The following TAFA5 variants were observed in gnomAD, a reference collection of about 807,000 sequenced individuals.
TAFA5 encodes chemokine-like protein TAFA-5.
Under a neutral mutation model 15.3 loss-of-function variants are expected in TAFA5, and 6 were observed. The observed-to-expected ratio is 0.39, with a 90% CI of 0.21 to 0.77. The LOEUF (loss-of-function observed/expected upper bound fraction) is 0.77, where lower values mean the gene tolerates loss of function less well. TAFA5 is among the 30% of genes least tolerant of loss of function. The pLI is 0.41. For missense variants in TAFA5, 161 were observed against 193.1 expected, an observed-to-expected ratio of 0.83 and a Z score of 0.98; for synonymous variants, 103 against 80.7, an observed-to-expected ratio of 1.28 and a Z score of -1.48.
chr22:48,601,870 C>T (rs139307563), intron 1 of TAFA5, among the ~76,000 whole-genome samples: 80 of 152,330 alleles, frequency 5.3e-4, no homozygotes, highest in South Asian at 3.1e-3. Context: ...GAGCAGTGTG[C>T]GGCGAGTGGC....
intron 3 of TAFA5, among the ~76,000 whole-genome samples, chr22:48,737,039 G>A (rs959442379): frequency 5.9e-5 from 9 of 152,176 alleles, no homozygotes; most frequent in South Asian, 2.1e-4. Context: ...GCCCTGACCC[G>A]TCTCTCCCCT....
Position 48,557,133 on chromosome 22 carries a change from A to AT in TAFA5, c.112+67431dup, listed in dbSNP as rs576186648. 1.4e-3 allele frequency among the ~76,000 whole-genome samples: 215 copies of AT among 152,290 alleles called. 2 individuals carry two copies. Among genetic ancestry groups the AT allele is most frequent in the African/African-American group, 4.9e-3 (204 of 41,562 alleles). ...GCATCAGAACTGTGCTAGCGTCTGA[A>AT]TTGTGTCTCCCCAAAATCCGTATGT... On this transcript the variant is annotated intron_variant, in intron 1 of 3. Transcript: ENST00000402357.
chr22:48,733,955 G>C (rs1011867811), intron 3 of TAFA5, among the ~76,000 whole-genome samples: 2 of 152,180 alleles, frequency 1.3e-5, no homozygotes, highest in Non-Finnish European at 2.9e-5. Context: ...GCTGGAATGG[G>C]CAGCCGCCTG....
At chr22:48,697,836 T>C (rs1032114992) in intron 2 of TAFA5, among the ~76,000 whole-genome samples, 3 of 151,334 alleles carry the variant, frequency 2.0e-5, no homozygotes, top group South Asian at 4.2e-4. Context: ...ATGTTGGTGA[T>C]AGTGAGGATA....
intron 1 of TAFA5, among the ~76,000 whole-genome samples, chr22:48,511,586 G>C (rs1297046262): frequency 2.0e-5 from 3 of 152,204 alleles, no homozygotes; most frequent in African/African-American, 7.2e-5. Context: ...AAAACTCTGT[G>C]TTTTCTCCAA....
chr22:48,500,740 C>G (rs937606119), intron 1 of TAFA5, among the ~76,000 whole-genome samples: 2 of 152,354 alleles, frequency 1.3e-5, no homozygotes, highest in Non-Finnish European at 2.9e-5. Flanking sequence ...TGGCTGACAT[C>G]GCACTGTGTC....
chr22:48,525,279 G>T (rs1921741424), intron 1 of TAFA5, among the ~76,000 whole-genome samples: 1 of 152,132 alleles, frequency 6.6e-6, no homozygotes, highest in African/African-American at 2.4e-5. Flanking sequence ...CCCCATGGGG[G>T]GTCCCATCTT....
chr22:48,675,804 C>A (rs1927954348), intron 2 of TAFA5, among the ~76,000 whole-genome samples: 1 of 152,272 alleles, frequency 6.6e-6, no homozygotes, highest in Non-Finnish European at 1.5e-5. Flanking sequence ...CCTCCCCAGT[C>A]TCCAGGTCAG....
chr22:48,493,403 G>A (rs1457001563), intron 1 of TAFA5, among the ~76,000 whole-genome samples: 2 of 152,182 alleles, frequency 1.3e-5, no homozygotes, highest in Non-Finnish European at 2.9e-5. Flanking sequence ...GAATTGTTTT[G>A]AATCCATTAG....
chr22:48,646,464 C>A, intron 1 of TAFA5, 133 bp from the exon 2 acceptor site: 1 of 1,160,512 alleles, frequency 8.6e-7, no homozygotes, highest in Non-Finnish European at 1.2e-6. Flanking sequence ...CGGACGCTCC[C>A]TCTGAGTGAA....
Position 48,543,342 on chromosome 22 carries a change from G to A in TAFA5, c.112+53638G>A, listed in dbSNP as rs961097811. 2.0e-5 allele frequency: 3 copies of A among 152,282 alleles called. No individual in the cohort carries two copies. In the Middle Eastern group the frequency reaches 0.01, roughly 518 times the overall value. 9.4% of individuals were successfully genotyped at this position (152,282 alleles called of 1,614,324 possible). A position where few individuals can be genotyped will look rare whatever the true frequency, so the allele number is the denominator to read the frequency against. ...ATCCTTCATAAAAGGATCGTAAAGT[G>A]TAATCACGGCAATGAAGCAGGCCCG... On this transcript the variant is annotated intron_variant, in intron 1 of 3. Transcript: ENST00000402357.
intron 2 of TAFA5, among the ~76,000 whole-genome samples, chr22:48,661,641 G>A (rs373578529): frequency 6.6e-6 from 1 of 152,208 alleles, no homozygotes; most frequent in East Asian, 1.9e-4. Context: ...GCGTATGGCA[G>A]TGGGTGCCAG....
At chr22:48,655,151 A>T (rs1339280571) in intron 2 of TAFA5, among the ~76,000 whole-genome samples, 1 of 152,084 alleles carries the variant, frequency 6.6e-6, no homozygotes, top group Non-Finnish European at 1.5e-5. Context: ...AGCAGGCATG[A>T]GTGGGGGTCC....
At chr22:48,657,137 A>G (rs936561596) in intron 2 of TAFA5, among the ~76,000 whole-genome samples, 1 of 152,190 alleles carries the variant, frequency 6.6e-6, no homozygotes, top group Non-Finnish European at 1.5e-5. Flanking sequence ...GAGGGAGTAG[A>G]GAGGGATAGA....
At chr22:48,508,690 G>C (rs117964254) in intron 1 of TAFA5, among the ~76,000 whole-genome samples, 1 of 152,142 alleles carries the variant, frequency 6.6e-6, no homozygotes, top group Non-Finnish European at 1.5e-5. Flanking sequence ...TTTAGTTGGC[G>C]TAAAATAATG....
chr22:48,627,894 G>T (rs781610614), intron 1 of TAFA5, among the ~76,000 whole-genome samples: 1 of 152,214 alleles, frequency 6.6e-6, no homozygotes, highest in Admixed American at 6.5e-5. Flanking sequence ...CAGCAAGGAC[G>T]GGGGGTTGCA....
intron 1 of TAFA5, chr22:48,546,836 C>G (rs1294665340): frequency 3.2e-6 from 1 of 307,820 alleles, no homozygotes; most frequent in South Asian, 2.7e-5. Context: ...GAGGCTCCAC[C>G]CTCTCGTGCG....
At chr22:48,500,579 C>T (rs188565275) in intron 1 of TAFA5, among the ~76,000 whole-genome samples, 17 of 152,336 alleles carry the variant, frequency 1.1e-4, no homozygotes, top group East Asian at 7.7e-4. Flanking sequence ...GGCCCGCAGG[C>T]GGGCTGTGCT....
chr22:48,512,250 G>A (rs755538527), intron 1 of TAFA5, among the ~76,000 whole-genome samples: 4 of 152,182 alleles, frequency 2.6e-5, no homozygotes, highest in African/African-American at 4.8e-5. Flanking sequence ...CTCTCGCTGC[G>A]CGGCCACAGT....
Sources: allele counts gnomAD v4.1 joint callset (sites outside exome capture counted in the v4.1 genomes callset), GRCh38; gene constraint gnomAD v4.1.1; transcripts MANE v1.5; gene names NCBI Gene and HGNC (gene_info 2026-07-23, HGNC 2026-07-21).